The following GNA14 variants were observed in gnomAD, a reference collection of about 807,000 sequenced individuals.
GNA14 encodes guanine nucleotide-binding protein subunit alpha-14.
A neutral mutation model predicts 42.0 loss-of-function variants in GNA14; 50 were observed. That is an observed-to-expected ratio of 1.19 (90% CI 0.95 to 1.51). The LOEUF (loss-of-function observed/expected upper bound fraction) is 1.51. Among genes scored for constraint, GNA14 ranks in the 40% most tolerant of loss-of-function variants. GNA14 has a pLI of 0.00. For missense variants in GNA14, 473 were observed against 446.2 expected (o/e 1.06, Z -0.54); for synonymous variants, 173 against 163.1 (o/e 1.06, Z -0.46).
At chr9:77,543,576 A>G (rs1837685645) in intron 1 of GNA14, among the ~76,000 whole-genome samples, 1 of 152,212 alleles carries the variant, frequency 6.6e-6, no homozygotes, top group African/African-American at 2.4e-5. Flanking sequence ...GAGAGTCTCA[A>G]GGCCTGCAAG....
chr9:77,558,869 C>G (rs767665221), intron 1 of GNA14, among the ~76,000 whole-genome samples: 7 of 150,332 alleles, frequency 4.7e-5, no homozygotes, highest in Non-Finnish European at 8.9e-5. Context: ...ACACCTGATT[C>G]AGAGTTGTAT....
chr9:77,542,196 TAA>T (rs1276700297), intron 1 of GNA14, among the ~76,000 whole-genome samples: 2 of 152,316 alleles, frequency 1.3e-5, no homozygotes, highest in Non-Finnish European at 2.9e-5. Flanking sequence ...CCTGAAGATA[TAA>T]GATATGTACA....
chr9:77,570,415 C>A (rs577037197), intron 1 of GNA14, among the ~76,000 whole-genome samples: 1 of 152,292 alleles, frequency 6.6e-6, no homozygotes, highest in Admixed American at 6.5e-5. Flanking sequence ...CCACTGCAGC[C>A]CAGGCAACAC....
chr9:77,642,912 T>C lies in GNA14; in HGVS notation c.124+4758A>G, dbSNP rs577297321. ...CTAGATGGTGAGGAGAGTTTGTGCA[T>C]GTCTCACCCAAGCCCCCATGCGCAG... On this transcript the variant is annotated intron_variant, in intron 1 of 6. Coordinates refer to ENST00000341700, the MANE Select transcript of GNA14 (RefSeq NM_004297.4). Among the ~76,000 whole-genome samples the C allele has an allele frequency of 2.6e-5, 4 of 152,328 alleles. No individual in the cohort carries two copies. The East Asian group carries it at 7.7e-4, about 29-fold the overall frequency.
chr9:77,560,236 A>C (rs916350023), intron 1 of GNA14, among the ~76,000 whole-genome samples: 2 of 152,150 alleles, frequency 1.3e-5, no homozygotes, highest in East Asian at 3.8e-4. Flanking sequence ...AAACTACTTA[A>C]GACAAAATTA....
At chr9:77,473,611 ATTT>A (rs200957339) in intron 2 of GNA14, among the ~76,000 whole-genome samples, 3,589 of 132,508 alleles carry the variant, frequency 0.027, 114 homozygotes, top group African/African-American at 0.091. Context: ...TTTCACCTGG[ATTT>A]TTTTTTTTTT....
At chr9:77,576,645 C>T (rs1179908707) in intron 1 of GNA14, among the ~76,000 whole-genome samples, 1 of 152,150 alleles carries the variant, frequency 6.6e-6, no homozygotes, top group Non-Finnish European at 1.5e-5. Flanking sequence ...ACATTCCTTA[C>T]ATCATTATCA....
At chr9:77,583,282 CAAGA>C (rs752526005) in intron 1 of GNA14, among the ~76,000 whole-genome samples, 6 of 152,142 alleles carry the variant, frequency 3.9e-5, no homozygotes, top group Non-Finnish European at 8.8e-5. Context: ...TCAAGGAAGA[CAAGA>C]AAGCATTAAA....
At chr9:77,595,060 C>CA (rs1823442768) in intron 1 of GNA14, among the ~76,000 whole-genome samples, 1 of 152,176 alleles carries the variant, frequency 6.6e-6, no homozygotes, top group Non-Finnish European at 1.5e-5. Context: ...TCGCACTTTC[C>CA]ACCCCTTGCT....
intron 1 of GNA14, among the ~76,000 whole-genome samples, chr9:77,643,983 A>C (rs1384380069): frequency 6.6e-6 from 1 of 152,160 alleles, no homozygotes; most frequent in African/African-American, 2.4e-5. Context: ...GACTGGGCTA[A>C]GAATCTACAT....
At chr9:77,441,068 C>T (rs928218914) in intron 2 of GNA14, among the ~76,000 whole-genome samples, 1 of 152,136 alleles carries the variant, frequency 6.6e-6, no homozygotes, top group Non-Finnish European at 1.5e-5. Context: ...TCATGATATA[C>T]AATAGATCTC....
chr9:77,431,630 A>C (rs1490633032), intron 3 of GNA14, 181 bp from the exon 4 acceptor site: 1 of 541,834 alleles, frequency 1.8e-6, no homozygotes, highest in East Asian at 2.8e-5. Context: ...GACTGTTTTG[A>C]AGACAATATG....
At chr9:77,642,849 G>A (rs1487054866) in intron 1 of GNA14, among the ~76,000 whole-genome samples, 2 of 152,110 alleles carry the variant, frequency 1.3e-5, no homozygotes, top group African/African-American at 4.8e-5. Flanking sequence ...TATGATCCCA[G>A]ATCCTAAGAA....
chr9:77,508,665 C>A (rs115311687), intron 2 of GNA14, among the ~76,000 whole-genome samples: 1,576 of 152,226 alleles, frequency 0.01, 27 homozygotes, highest in African/African-American at 0.036. Flanking sequence ...AACAAGCTCC[C>A]CAAGCAACCA....
intron 1 of GNA14, among the ~76,000 whole-genome samples, chr9:77,614,388 T>C (rs1823777730): frequency 6.6e-6 from 1 of 152,138 alleles, no homozygotes; most frequent in African/African-American, 2.4e-5. Flanking sequence ...GATCCTCAAG[T>C]TTTTGGGGTA....
intron 3 of GNA14, among the ~76,000 whole-genome samples, chr9:77,431,931 C>T (rs1279854822): frequency 6.6e-6 from 1 of 152,134 alleles, no homozygotes; most frequent in Non-Finnish European, 1.5e-5. Flanking sequence ...AGGCGTAAAA[C>T]AGGCCGAGGA....
At chr9:77,642,506 A>G (rs1473683025) in intron 1 of GNA14, among the ~76,000 whole-genome samples, 1 of 152,168 alleles carries the variant, frequency 6.6e-6, no homozygotes, top group Non-Finnish European at 1.5e-5. Context: ...TGGCTCATGC[A>G]TGTAATCCCA....
At chr9:77,484,087 C>A (rs1836613506) in intron 2 of GNA14, among the ~76,000 whole-genome samples, 1 of 152,062 alleles carries the variant, frequency 6.6e-6, no homozygotes, top group Non-Finnish European at 1.5e-5. Context: ...AGGATGTGCT[C>A]CAGGTAAACA....
chr9:77,617,569 T>C (rs1409159996), intron 1 of GNA14, among the ~76,000 whole-genome samples: 2 of 152,088 alleles, frequency 1.3e-5, no homozygotes, highest in Non-Finnish European at 2.9e-5. Context: ...CATTACCACA[T>C]GTTATCTGTC....
Sources: allele counts gnomAD v4.1 joint callset (sites outside exome capture counted in the v4.1 genomes callset), GRCh38; gene constraint gnomAD v4.1.1; transcripts MANE v1.5; gene names NCBI Gene and HGNC (gene_info 2026-07-23, HGNC 2026-07-21).